The following PALLD variants were observed in gnomAD, a reference collection of about 807,000 sequenced individuals.
The protein encoded by PALLD is palladin.
A neutral mutation model predicts 123.5 loss-of-function variants in PALLD; 61 were observed. That is an observed-to-expected ratio of 0.49 (90% CI 0.40 to 0.61). The LOEUF (loss-of-function observed/expected upper bound fraction) is 0.61, where lower values mean the gene tolerates loss of function less well. PALLD is among the 20% of genes least tolerant of loss of function. The pLI, the probability that PALLD is intolerant of heterozygous loss-of-function variation, is 0.00. For missense variants in PALLD, 1,273 were observed against 1,377.0 expected (o/e 0.92, Z 1.20); for synonymous variants, 465 against 496.4 (o/e 0.94, Z 0.84).
chr4:168,903,400 A>G (rs1756963707), intron 14 of PALLD, among the ~76,000 whole-genome samples: 1 of 152,204 alleles, frequency 6.6e-6, no homozygotes, highest in Non-Finnish European at 1.5e-5. Context: ...AATGGCCTTC[A>G]TAGAAGGCCA....
chr4:168,624,462 T>G (rs2149805212), intron 2 of PALLD, among the ~76,000 whole-genome samples: 1 of 152,300 alleles, frequency 6.6e-6, no homozygotes, highest in South Asian at 2.1e-4. Flanking sequence ...TAGATCATTC[T>G]CATCCCAAAG....
chr4:168,821,700 A>C (rs1327813068), intron 10 of PALLD, among the ~76,000 whole-genome samples: 6 of 151,666 alleles, frequency 4.0e-5, no homozygotes, highest in Non-Finnish European at 2.9e-5. Context: ...AAATGGTGAA[A>C]CCTCGTCTCT....
At chr4:168,822,414 T>A (rs916869473) in intron 10 of PALLD, among the ~76,000 whole-genome samples, 1 of 152,066 alleles carries the variant, frequency 6.6e-6, no homozygotes, top group African/African-American at 2.4e-5. Context: ...ATGATACTGA[T>A]CAATGGGAAG....
intron 2 of PALLD, among the ~76,000 whole-genome samples, chr4:168,560,209 ATAG>A (rs1415665808): frequency 6.6e-6 from 1 of 152,230 alleles, no homozygotes; most frequent in East Asian, 1.9e-4. Flanking sequence ...GTTCAATAAA[ATAG>A]TTCAGGTACC....
intron 10 of PALLD, among the ~76,000 whole-genome samples, chr4:168,726,786 G>A (rs1283243641): frequency 6.6e-6 from 1 of 151,984 alleles, no homozygotes; most frequent in Non-Finnish European, 1.5e-5. Context: ...TTTAGATATA[G>A]GGGATACATG....
At chr4:168,829,133 T>A (rs1052698695) in intron 10 of PALLD, 4 of 152,238 alleles carry the variant, frequency 2.6e-5, no homozygotes, top group African/African-American at 9.6e-5. Context: ...TATCCACACC[T>A]CCCACGGTTC....
intron 10 of PALLD, among the ~76,000 whole-genome samples, chr4:168,748,703 G>A (rs113583029): frequency 0.023 from 3,448 of 152,202 alleles, 54 homozygotes; most frequent in Non-Finnish European, 0.037. Flanking sequence ...GCTCCTTTAG[G>A]TTATTAGCAG....
intron 2 of PALLD, among the ~76,000 whole-genome samples, chr4:168,626,398 C>G (rs1775287327): frequency 1.8e-5 from 1 of 55,954 alleles, no homozygotes; most frequent in African/African-American, 9.8e-5. Flanking sequence ...GAGACTCCAT[C>G]TCAAAAAAAA....
intron 10 of PALLD, among the ~76,000 whole-genome samples, chr4:168,713,632 G>T (rs1299315832): frequency 1.3e-5 from 2 of 152,120 alleles, no homozygotes; most frequent in African/African-American, 4.8e-5. Context: ...TATATGGCAA[G>T]GGGGTAATAT....
At chr4:168,764,521 G>T (rs1733393904) in intron 10 of PALLD, among the ~76,000 whole-genome samples, 1 of 152,058 alleles carries the variant, frequency 6.6e-6, no homozygotes, top group South Asian at 2.1e-4. Flanking sequence ...GGGCTCAAGA[G>T]ATTCTCTTAC....
intron 14 of PALLD, 47 bp from the exon 15 acceptor site, chr4:168,903,710 T>G (rs1043951519): frequency 1.4e-6 from 2 of 1,476,652 alleles, no homozygotes; most frequent in Admixed American, 1.7e-5. Flanking sequence ...CCAAATAGAG[T>G]AGGAATACAC....
At chr4:168,570,486 G>A (rs971492824) in intron 2 of PALLD, among the ~76,000 whole-genome samples, 2 of 152,132 alleles carry the variant, frequency 1.3e-5, no homozygotes, top group African/African-American at 4.8e-5. Context: ...TAACAAAAGT[G>A]CCAATGTTCC....
intron 2 of PALLD, among the ~76,000 whole-genome samples, chr4:168,531,361 G>A (rs1443437851): frequency 3.3e-5 from 5 of 152,170 alleles, no homozygotes; most frequent in South Asian, 2.1e-4. Flanking sequence ...TTACAGAGAT[G>A]AAAGGCTGCC....
intron 4 of PALLD, among the ~76,000 whole-genome samples, chr4:168,682,396 C>T (rs1400868229): frequency 1.3e-5 from 2 of 152,200 alleles, no homozygotes; most frequent in Non-Finnish European, 2.9e-5. Context: ...AGTGAAGTTA[C>T]ATGGCTTGCT....
chr4:168,518,770 T>A (rs1763251349), intron 2 of PALLD, among the ~76,000 whole-genome samples: 1 of 152,238 alleles, frequency 6.6e-6, no homozygotes, highest in Admixed American at 6.5e-5. Flanking sequence ...TCTGTTTGAT[T>A]TTTGTAGTTG....
intron 15 of PALLD, among the ~76,000 whole-genome samples, chr4:168,905,936 A>C (rs1044231389): frequency 6.6e-6 from 1 of 151,716 alleles, no homozygotes; most frequent in African/African-American, 2.4e-5. Context: ...ACGCTCAGCT[A>C]ATTTTTTGTA....
At chr4:168,809,314 A>G (rs1740702803) in intron 10 of PALLD, among the ~76,000 whole-genome samples, 1 of 119,014 alleles carries the variant, frequency 8.4e-6, no homozygotes, top group African/African-American at 3.0e-5. Context: ...TTTCCCTTAT[A>G]AATCCTTCTT....
At position 168,896,569 on chromosome 4, in the gene PALLD, T is replaced by G; in HGVS notation, c.2220T>G (p.Ala740=). 6.6e-7 allele frequency: 1 copy of G among 1,516,696 alleles called. No homozygotes were observed. Among genetic ancestry groups the G allele is most frequent in the Non-Finnish European group, 8.9e-7 (1 of 1,128,382 alleles). The allele number at this position is 1,516,696 out of a possible 1,614,324, so 94.0% of individuals were successfully genotyped here. ...TANQDIGSPH[A]SVGSPLDGQK... is the part of the protein sequence containing the mutation. ...TACAGGACATTGGTTCTCCTCATGC[T>G]TCTGTAGGGAGTCCTCTGGATGGTC... The change falls in exon 13 of 22, where the codon GCT becomes GCG. Residue 740 remains alanine, a synonymous_variant. Transcript: ENST00000505667.
chr4:168,499,239 GGAAGGGA>G (rs1761084235), intron 1 of PALLD, among the ~76,000 whole-genome samples: 1 of 130,640 alleles, frequency 7.7e-6, no homozygotes, highest in Non-Finnish European at 1.6e-5. Flanking sequence ...CGGGGAAGAA[GGAAGGGA>G]GAAGGGAGGG....
Sources: gnomAD v4.1 joint callset for allele counts (sites outside exome capture counted in the v4.1 genomes callset) on GRCh38, gnomAD v4.1.1 for gene constraint, MANE v1.5 for transcripts, NCBI Gene and HGNC (gene_info 2026-07-23, HGNC 2026-07-21) for gene names.